The following KDM1A variants were observed in gnomAD, a reference collection of about 807,000 sequenced individuals.
KDM1A encodes the protein lysine demethylase 1A, also known as lysine-specific histone demethylase 1A.
In KDM1A, 49 loss-of-function variants were observed where a neutral mutation model predicts 109.4. The observed-to-expected ratio is 0.45, with a 90% CI of 0.36 to 0.57. The LOEUF (loss-of-function observed/expected upper bound fraction) is 0.57, where lower values mean the gene tolerates loss of function less well. KDM1A is among the 20% of genes least tolerant of loss of function. The pLI is 0.00. For synonymous variants in KDM1A, 380 were observed against 415.4 expected, an observed-to-expected ratio of 0.91 and a Z score of 1.04; for missense variants, 668 against 1,116.6, an observed-to-expected ratio of 0.60 and a Z score of 5.73.
At chr1:23,046,668 CTAAAT>C (rs1399463197) in intron 3 of KDM1A, among the ~76,000 whole-genome samples, 10 of 152,174 alleles carry the variant, frequency 6.6e-5, no homozygotes, top group Admixed American at 2.0e-4. Flanking sequence ...TTCAAAAGGT[CTAAAT>C]TATTCCTTCA....
intron 3 of KDM1A, among the ~76,000 whole-genome samples, chr1:23,049,152 C>CAAAAAA (rs5773034): frequency 4.0e-5 from 3 of 75,212 alleles, no homozygotes; most frequent in African/African-American, 1.1e-4. Flanking sequence ...GACTCCCTCT[C>CAAAAAA]AAAAAAAAAA....
At chr1:23,026,484 G>A (rs1450115657) in intron 1 of KDM1A, among the ~76,000 whole-genome samples, 8 of 150,782 alleles carry the variant, frequency 5.3e-5, no homozygotes, top group African/African-American at 1.5e-4. Flanking sequence ...TGACCTCCCC[G>A]GTTCAAGTGG....
chr1:23,067,910 C>T (rs999146691), intron 10 of KDM1A, among the ~76,000 whole-genome samples: 1 of 152,172 alleles, frequency 6.6e-6, no homozygotes, highest in Admixed American at 6.5e-5. Flanking sequence ...CCTTCTGGTC[C>T]TTCATTTACT....
Position 23,019,847 on chromosome 1 carries a change from A to T in KDM1A, c.251A>T (p.Gln84Leu). ...GAACCGCCGGGGTCCGCAGGGCCTC[A>T]GGCCGGCCCTACTGTCGTGCCTGGG... ...LAEPPGSAGPQAGPTVVPGSA... is the reference protein window; with the variant it reads ...LAEPPGSAGPLAGPTVVPGSA... The change falls in exon 1 of 21, where the codon CAG becomes CTG. Residue 84 changes from glutamine (Q) to leucine (L), a missense_variant. By Grantham distance (113) the Gln-to-Leu change is moderately radical. Around this residue, in one of 8 missense-constraint regions of KDM1A, gnomAD observed 156 missense variants for 163.4 expected, o/e 0.95. Transcript: ENST00000400181. 6.7e-7 allele frequency: 1 copy of T among 1,486,004 alleles called. No homozygotes were observed. The highest frequency in any genetic ancestry group is 8.9e-7 in the Non-Finnish European group (1 of 1,121,320). The allele number at this position is 1,486,004 out of a possible 1,614,324, so 92.1% of individuals were successfully genotyped here.
At position 23,019,676 on chromosome 1, in the gene KDM1A, C is replaced by T. The variant is rs1445705856; in HGVS notation, c.80C>T (p.Thr27Ile). The T allele has an allele frequency of 5.8e-6, 8 of 1,368,162 alleles. No individual in the cohort carries two copies. Among genetic ancestry groups the T allele is most frequent in the Non-Finnish European group, 7.5e-6 (8 of 1,068,964 alleles). 84.8% of individuals were successfully genotyped at this position (1,368,162 alleles called of 1,614,324 possible). Residue 27 changes from threonine to isoleucine, a missense_variant, in exon 1 of 21, where the codon ACA becomes ATA. Thr to Ile is a moderately conservative substitution (Grantham distance 89, BLOSUM62 -1). This residue lies in a region of KDM1A where 156 missense variants were observed against 163.4 expected (regional missense o/e 0.95). Coordinates refer to ENST00000400181, the MANE Select transcript of KDM1A (RefSeq NM_001009999.3). ...ACCGGGACGGAGGCTGGCCCTGGGA[C>T]AGCAGGCGGCTCCGAGAACGGGTCT... ...AATGTEAGPG[T>I]AGGSENGSEV...
intron 3 of KDM1A, among the ~76,000 whole-genome samples, chr1:23,046,935 C>G (rs547178577): frequency 2.0e-5 from 3 of 152,296 alleles, no homozygotes; most frequent in Admixed American, 1.3e-4. Flanking sequence ...ATACCAGATT[C>G]CATTACTTAA....
intron 15 of KDM1A, among the ~76,000 whole-genome samples, chr1:23,076,183 G>C (rs1211523186): frequency 6.6e-6 from 1 of 152,228 alleles, no homozygotes; most frequent in South Asian, 2.1e-4. Context: ...GAAGTAGAGT[G>C]TTGCTGCCAG....
intron 1 of KDM1A, chr1:23,020,621 G>C (rs559563348): frequency 6.6e-6 from 1 of 152,082 alleles, no homozygotes; most frequent in African/African-American, 2.4e-5. Context: ...ACTCCAAACA[G>C]TATATACAGA....
In KDM1A at chr1:23,069,121, T is replaced by A; in HGVS notation, c.1383T>A (p.Thr461=). The change falls in exon 12 of 21, where the codon ACT becomes ACA. Residue 461 remains threonine (T), a synonymous_variant. Coordinates refer to ENST00000400181, the MANE Select transcript of KDM1A (RefSeq NM_001009999.3). ...QIEHWKKIVK[T]QEELKELLNK... is the part of the protein sequence containing the mutation. ...AACATTGGAAGAAGATAGTGAAAAC[T>A]CAGGAAGAATTGAAAGAACTTCTTA... The A allele has an allele frequency of 1.2e-6, 2 of 1,608,720 alleles. No homozygotes were observed.
chr1:23,045,461 C>T (rs920141628), intron 3 of KDM1A, among the ~76,000 whole-genome samples: 1 of 152,024 alleles, frequency 6.6e-6, no homozygotes. Context: ...AAATGCTGTC[C>T]CAAGGATTGC....
chr1:23,034,264 A>G (rs758905425), intron 2 of KDM1A, among the ~76,000 whole-genome samples: 8 of 152,186 alleles, frequency 5.3e-5, no homozygotes, highest in Non-Finnish European at 1.0e-4. Flanking sequence ...GTTTTAACAC[A>G]TGATGGTTTT....
chr1:23,049,234 T>C (rs950889553), intron 3 of KDM1A, among the ~76,000 whole-genome samples: 2 of 151,596 alleles, frequency 1.3e-5, no homozygotes, highest in Non-Finnish European at 2.9e-5. Context: ...TTAAATGGTA[T>C]GGAATTTTGA....
chr1:23,054,950 T>C, intron 5 of KDM1A, 119 bp from the exon 6 acceptor site: 1 of 625,814 alleles, frequency 1.6e-6, no homozygotes, highest in Admixed American at 2.7e-5. Flanking sequence ...TTTAAAGGAG[T>C]CACATGACTT....
intron 8 of KDM1A, 71 bp from the exon 9 acceptor site, chr1:23,059,002 A>G: frequency 2.3e-6 from 2 of 854,918 alleles, no homozygotes; most frequent in Non-Finnish European, 3.5e-6. Flanking sequence ...GAGTAAAAAT[A>G]TTTTTTACTT....
intron 2 of KDM1A, among the ~76,000 whole-genome samples, chr1:23,031,507 C>G (rs945883383): frequency 6.6e-6 from 1 of 152,060 alleles, no homozygotes; most frequent in African/African-American, 2.4e-5. Flanking sequence ...TCTGCTATAT[C>G]TTGCATGACT....
In KDM1A at chr1:23,019,960, C is replaced by G. The variant is rs760369883; in HGVS notation, c.351+13C>G. On this transcript the variant is annotated intron_variant, in intron 1 of 20. Coordinates refer to ENST00000400181, the MANE Select transcript of KDM1A (RefSeq NM_001009999.3). ...CAAGCGGGCGAAGGTAAGGCTCGAC[C>G]CTTCCCTCAAACGACACCGCCTGGT... 3.7e-5 allele frequency: 57 copies of G among 1,520,204 alleles called. No individual in the cohort carries two copies. The highest frequency in any genetic ancestry group is 3.0e-4 in the African/African-American group (21 of 69,194). 94.2% of individuals were successfully genotyped at this position (1,520,204 alleles called of 1,614,324 possible). A position where few individuals can be genotyped will look rare whatever the true frequency, so the allele number is the denominator to read the frequency against.
intron 15 of KDM1A, among the ~76,000 whole-genome samples, chr1:23,076,375 A>G (rs1485275363): frequency 6.6e-6 from 1 of 151,614 alleles, no homozygotes; most frequent in African/African-American, 2.4e-5. Flanking sequence ...GTCTTGGGCC[A>G]CTCTTTATGG....
At chr1:23,050,942 G>A (rs2124453432) in intron 4 of KDM1A, among the ~76,000 whole-genome samples, 1 of 152,164 alleles carries the variant, frequency 6.6e-6, no homozygotes, top group East Asian at 1.9e-4. Context: ...AAAATTATCT[G>A]GGCATGGTGG....
At chr1:23,049,432 CAT>C (rs71893737) in intron 3 of KDM1A, among the ~76,000 whole-genome samples, 1,909 of 152,044 alleles carry the variant, frequency 0.013, 53 homozygotes, top group African/African-American at 0.043. Flanking sequence ...TTGAAAATAA[CAT>C]GTTTTTTGGG....
Sources: gnomAD v4.1 joint callset for allele counts (sites outside exome capture counted in the v4.1 genomes callset) on GRCh38, gnomAD v4.1.1 for gene constraint, gnomAD v4.1.1 regional missense constraint, MANE v1.5 for transcripts, NCBI Gene and HGNC (gene_info 2026-07-23, HGNC 2026-07-21) for gene names.